Variants in CD160 observed in about 807,000 individuals in gnomAD.
CD160 encodes the protein CD160 molecule.
In CD160, 11 loss-of-function variants were observed where a neutral mutation model predicts 19.2. That is an observed-to-expected ratio of 0.57 (90% CI 0.36 to 0.95). CD160 has a LOEUF of 0.95. Ranked by LOEUF, CD160 falls within the 40% of genes least tolerant of loss-of-function variation. The pLI is 0.01. For synonymous variants in CD160, 75 were observed against 81.1 expected (o/e 0.93, Z 0.40); for missense variants, 182 against 213.2 (o/e 0.85, Z 0.91).
chr1:145,721,075 G>C (rs1656821775), intron 1 of CD160, among the ~76,000 whole-genome samples: 1 of 152,172 alleles, frequency 6.6e-6, no homozygotes, highest in Non-Finnish European at 1.5e-5. Flanking sequence ...CGCCCCTGGC[G>C]TGTAGTGGGC....
intron 2 of CD160, 39 bp from the exon 3 acceptor site, chr1:145,728,217 C>A: frequency 1.3e-6 from 1 of 740,916 alleles, no homozygotes; most frequent in Non-Finnish European, 2.4e-6. Context: ...TCTTGGAACC[C>A]TGGAAGGCTT....
chr1:145,736,124 G>A lies in CD160; in HGVS notation c.528G>A (p.Val176=). 3 of 1,614,118 alleles carry A rather than the reference G, an allele frequency of 1.9e-6. No individual in the cohort carries two copies. The highest frequency in any genetic ancestry group is 2.5e-6 in the Non-Finnish European group (3 of 1,180,024). ...GGGTAATGCTGGTCACCAGCCTTGTGGCCCTTCAAGGTATGTCCAAAAGAG... is the reference window on the plus strand; with the variant it reads ...GGGTAATGCTGGTCACCAGCCTTGTAGCCCTTCAAGGTATGTCCAAAAGAG... ...KVWVMLVTSL[V]ALQAL The change falls in exon 5 of 6, where the codon GTG becomes GTA. Residue 176 remains valine, a synonymous_variant. Transcript: ENST00000369288.
chr1:145,724,349 G>A (rs1553708147), intron 1 of CD160, among the ~76,000 whole-genome samples: 1 of 152,048 alleles, frequency 6.6e-6, no homozygotes, highest in African/African-American at 2.4e-5. Flanking sequence ...TTTGCCTTAA[G>A]ATTTCCAATA....
chr1:145,732,044 G>T (rs947966093), intron 4 of CD160, among the ~76,000 whole-genome samples: 1 of 152,056 alleles, frequency 6.6e-6, no homozygotes, highest in Non-Finnish European at 1.5e-5. Context: ...TACTACTTTG[G>T]CATATCCTAA....
intron 1 of CD160, among the ~76,000 whole-genome samples, chr1:145,724,593 AATGTAAG>A: frequency 6.6e-6 from 1 of 152,220 alleles, no homozygotes; most frequent in African/African-American, 2.4e-5. Flanking sequence ...AGTGGGAATT[AATGTAAG>A]ATGTTATCAG....
intron 1 of CD160, among the ~76,000 whole-genome samples, chr1:145,724,237 T>C (rs1428527141): frequency 6.6e-6 from 1 of 152,232 alleles, no homozygotes; most frequent in Non-Finnish European, 1.5e-5. Context: ...TCGTCTTTTG[T>C]GAACTGCCTA....
chr1:145,720,626 T>C (rs1656797715), intron 1 of CD160, among the ~76,000 whole-genome samples: 1 of 152,212 alleles, frequency 6.6e-6, no homozygotes, highest in African/African-American at 2.4e-5. Flanking sequence ...AGCTCAGAGC[T>C]GACCTTCCAG....
chr1:145,720,036 T>C (rs1171177513), intron 1 of CD160, among the ~76,000 whole-genome samples: 1 of 152,242 alleles, frequency 6.6e-6, no homozygotes, highest in African/African-American at 2.4e-5. Context: ...TTTTCACTAA[T>C]CTTTAATTGA....
chr1:145,734,223 T>A (rs1250752828), intron 4 of CD160, among the ~76,000 whole-genome samples: 1 of 152,114 alleles, frequency 6.6e-6, no homozygotes, highest in Non-Finnish European at 1.5e-5. Flanking sequence ...AACTAGTGAG[T>A]CCCTTGAGTT....
chr1:145,728,427 G>T, intron 3 of CD160, 27 bp downstream of exon 3: 2 of 1,492,408 alleles, frequency 1.3e-6, no homozygotes, highest in Admixed American at 1.7e-5. Flanking sequence ...GAGCAGAGAC[G>T]GCCATGGGGA....
intron 1 of CD160, among the ~76,000 whole-genome samples, chr1:145,722,762 T>A (rs1656903570): frequency 6.6e-6 from 1 of 151,970 alleles, no homozygotes. Context: ...CGGCTAATTT[T>A]TTGTATTTTT....
At chr1:145,720,960 C>G (rs922321413) in intron 1 of CD160, among the ~76,000 whole-genome samples, 3 of 152,194 alleles carry the variant, frequency 2.0e-5, no homozygotes, top group South Asian at 4.1e-4. Flanking sequence ...GGGCCACCAG[C>G]GCAGCTCAGG....
In CD160 at chr1:145,728,301, T is replaced by C. The variant is rs1553708635; in HGVS notation, c.-27T>C. ...CAGCAGAGCCAACATTTGCTTCAAG[T>C]TCCTGGGCCTGCTGACAGCGTGCAG... On this transcript the variant is annotated 5_prime_UTR_variant, in exon 3 of 6. Coordinates refer to ENST00000369288, the MANE Select transcript of CD160 (RefSeq NM_007053.4). 1.1e-5 allele frequency: 18 copies of C among 1,592,818 alleles called. No homozygotes were observed. The highest frequency in any genetic ancestry group is 1.7e-5 in the Admixed American group (1 of 59,974).
intron 2 of CD160, among the ~76,000 whole-genome samples, chr1:145,725,466 A>C (rs1339849435): frequency 6.6e-6 from 1 of 152,078 alleles, no homozygotes; most frequent in African/African-American, 2.4e-5. Flanking sequence ...ACAACATACT[A>C]TGACCAAATG....
chr1:145,721,828 G>A (rs587722806), intron 1 of CD160, among the ~76,000 whole-genome samples: 1 of 152,296 alleles, frequency 6.6e-6, no homozygotes, highest in South Asian at 2.1e-4. Context: ...CCATCTTGCA[G>A]CCTTTCCACA....
intron 3 of CD160, among the ~76,000 whole-genome samples, chr1:145,729,981 G>A (rs1295473683): frequency 6.6e-6 from 1 of 152,118 alleles, no homozygotes; most frequent in Non-Finnish European, 1.5e-5. Context: ...TAATAACTGT[G>A]GAATTAAATT....
At chr1:145,731,334 CTT>C (rs1230058491) in intron 4 of CD160, among the ~76,000 whole-genome samples, 2 of 152,146 alleles carry the variant, frequency 1.3e-5, no homozygotes, top group Non-Finnish European at 2.9e-5. Context: ...GTTGAAGAGA[CTT>C]GTCCAGTGCT....
rs995593217 is a variant in CD160, at chr1:145,736,237, G to T, written c.538+103G>T. ...AGGAGAAGGTTGGAAAGGATGTCCAGGGGGAGAGAAAAATGTTACTCAAGC... is the reference window on the plus strand; with the variant it reads ...AGGAGAAGGTTGGAAAGGATGTCCATGGGGAGAGAAAAATGTTACTCAAGC... On this transcript the variant is annotated intron_variant, in intron 5 of 5. Transcript: ENST00000369288. The T allele has an allele frequency of 3.1e-5, 49 of 1,578,306 alleles. No individual in the cohort carries two copies. The Admixed American group carries it at 4.3e-4, about 14-fold the overall frequency.
In CD160 at chr1:145,730,931, T is replaced by G; in HGVS notation, c.261T>G (p.Gly87=). 1 of 1,614,172 alleles carries G rather than the reference T, an allele frequency of 6.2e-7. No homozygotes were observed. Among genetic ancestry groups the G allele is most frequent in the Non-Finnish European group, 8.5e-7 (1 of 1,180,000 alleles). The change falls in exon 4 of 6, where the codon GGT becomes GGG. Residue 87 remains glycine, a synonymous_variant. Transcript: ENST00000369288. ...TTAAAAGGGATCCTGGGATAGATGG[T>G]GTTGGTGAAATATCATCTCAGTTGA... The part of the protein sequence containing the change: ...LRLKRDPGID[G]VGEISSQLMF...
Sources: gnomAD v4.1 joint callset for allele counts (sites outside exome capture counted in the v4.1 genomes callset) on GRCh38, gnomAD v4.1.1 for gene constraint, MANE v1.5 for transcripts, NCBI Gene and HGNC (gene_info 2026-07-23, HGNC 2026-07-21) for gene names.